The following FAM171B variants were observed in gnomAD, a reference collection of about 807,000 sequenced individuals.
FAM171B encodes the protein family with sequence similarity 171 member B, also known as protein FAM171B.
A neutral mutation model predicts 75.6 loss-of-function variants in FAM171B; 19 were observed. The observed-to-expected ratio is 0.25, with a 90% CI of 0.18 to 0.37. The LOEUF (loss-of-function observed/expected upper bound fraction) is 0.37, where lower values mean the gene tolerates loss of function less well. Among genes scored for constraint, FAM171B ranks in the 10% least tolerant of loss-of-function variants. The pLI is 1.00. For synonymous variants in FAM171B, 367 were observed against 361.7 expected (o/e 1.01, Z -0.17); for missense variants, 848 against 982.4 (o/e 0.86, Z 1.83).
At chr2:186,754,897 A>G (rs544527431) in intron 6 of FAM171B, among the ~76,000 whole-genome samples, 1 of 152,264 alleles carries the variant, frequency 6.6e-6, no homozygotes, top group East Asian at 1.9e-4. Flanking sequence ...CAGCCAAAAG[A>G]TTGGACACCC....
rs554380469 is a variant in FAM171B at position 186,710,898 on chromosome 2, A to C, written c.238+16487A>C. ...TTACTGTCTTTACACACACACACAC[A>C]CATACACACAATATTGCAGAACCAA... On this transcript the variant is annotated intron_variant, in intron 1 of 7. Coordinates refer to ENST00000304698, the MANE Select transcript of FAM171B (RefSeq NM_177454.4). Among the ~76,000 whole-genome samples the C allele has an allele frequency of 2.6e-5, 4 of 152,224 alleles. No homozygotes were observed. The South Asian group carries it at 8.3e-4, about 32-fold the overall frequency.
chr2:186,696,117 G>C (rs536956144), intron 1 of FAM171B, among the ~76,000 whole-genome samples: 133 of 152,112 alleles, frequency 8.7e-4, no homozygotes, highest in Admixed American at 1.7e-3. Flanking sequence ...TGAAAAAGCT[G>C]ATTGTCTGGG....
At chr2:186,750,971 A>T (rs1690443685) in intron 4 of FAM171B, among the ~76,000 whole-genome samples, 163 bp from the exon 5 acceptor site, 1 of 152,166 alleles carries the variant, frequency 6.6e-6, no homozygotes, top group Non-Finnish European at 1.5e-5. Context: ...ACAATATTTT[A>T]AAATTACATT....
chr2:186,705,985 T>C (rs1269838278), intron 1 of FAM171B, among the ~76,000 whole-genome samples: 2 of 152,196 alleles, frequency 1.3e-5, no homozygotes, highest in East Asian at 1.9e-4. Context: ...TCAGAATTCA[T>C]TGGCAGTCAA....
intron 6 of FAM171B, among the ~76,000 whole-genome samples, chr2:186,760,547 G>T (rs1285259512): frequency 6.6e-6 from 1 of 151,980 alleles, no homozygotes; most frequent in East Asian, 1.9e-4. Context: ...TGTTACTTGG[G>T]TCACCAGTTT....
At chr2:186,703,875 A>G (rs1689699821) in intron 1 of FAM171B, among the ~76,000 whole-genome samples, 1 of 152,166 alleles carries the variant, frequency 6.6e-6, no homozygotes, top group South Asian at 2.1e-4. Flanking sequence ...GATGAAGAAC[A>G]TGCTTTTGTG....
At chr2:186,738,984 G>T (rs1303665346) in intron 1 of FAM171B, among the ~76,000 whole-genome samples, 1 of 152,078 alleles carries the variant, frequency 6.6e-6, no homozygotes, top group African/African-American at 2.4e-5. Context: ...TAGGTTATAT[G>T]GTATAGGCTA....
intron 1 of FAM171B, among the ~76,000 whole-genome samples, chr2:186,713,135 G>T (rs17406339): frequency 0.28 from 43,212 of 152,086 alleles, 7,390 homozygotes; most frequent in Non-Finnish European, 0.39. Flanking sequence ...GGCCTGTGCG[G>T]CTGCCCTGGA....
chr2:186,722,437 G>A (rs1416728307), intron 1 of FAM171B, among the ~76,000 whole-genome samples: 1 of 151,928 alleles, frequency 6.6e-6, no homozygotes, highest in East Asian at 1.9e-4. Flanking sequence ...TAAAAAAAAG[G>A]GACTTAACTA....
chr2:186,758,531 C>A (rs1690567748), intron 6 of FAM171B, among the ~76,000 whole-genome samples: 1 of 152,120 alleles, frequency 6.6e-6, no homozygotes, highest in Admixed American at 6.6e-5. Flanking sequence ...CTTACCCTAT[C>A]TCCCTGAATA....
chr2:186,718,960 T>C lies in FAM171B; in HGVS notation c.239-21268T>C, dbSNP rs768352987. ...ATATAGTTGCTGTCTGCTAATGCTG[T>C]AGACTGTGTCTCATTCATGCTCTGC... On this transcript the variant is annotated intron_variant, in intron 1 of 7. Coordinates refer to ENST00000304698, the MANE Select transcript of FAM171B (RefSeq NM_177454.4). 7.2e-5 allele frequency among the ~76,000 whole-genome samples: 11 copies of C among 152,266 alleles called. 1 individual carries two copies. Among genetic ancestry groups the C allele is most frequent in the Non-Finnish European group, 1.3e-4 (9 of 68,042 alleles).
chr2:186,752,019 A>G (rs746612616), intron 5 of FAM171B, among the ~76,000 whole-genome samples: 5 of 152,166 alleles, frequency 3.3e-5, no homozygotes, highest in Non-Finnish European at 5.9e-5. Flanking sequence ...TTTGCTCTGT[A>G]TTAGCACCTT....
In FAM171B at chr2:186,740,279, A is replaced by G. The variant is rs531422657; in HGVS notation, c.290A>G (p.Tyr97Cys). 11 of 1,614,070 alleles carry G rather than the reference A, an allele frequency of 6.8e-6. No individual in the cohort carries two copies. Among genetic ancestry groups the G allele is most frequent in the South Asian group, 5.5e-5 (5 of 91,072 alleles). Reference sequence around the variant, plus strand: ...GTGAATGACATCATCAGTCGTCAGTACCTGAGCCAAGCAGTTGTAGAAGTG... The same window carrying G: ...GTGAATGACATCATCAGTCGTCAGTGCCTGAGCCAAGCAGTTGTAGAAGTG... The part of the protein sequence containing the change: ...VQVNDIISRQ[Y>C]LSQAVVEVFV... The change falls in exon 2 of 8, where the codon TAC becomes TGC. Residue 97 changes from tyrosine to cysteine, a missense_variant. Around this residue, in one of 3 missense-constraint regions of FAM171B, gnomAD observed 665 missense variants for 729.0 expected, o/e 0.91. Transcript: ENST00000304698.
chr2:186,765,821 A>G lies in FAM171B; in HGVS notation c.*2998A>G, dbSNP rs1690691334. On this transcript the variant is annotated 3_prime_UTR_variant, in exon 8 of 8. Coordinates refer to ENST00000304698, the MANE Select transcript of FAM171B (RefSeq NM_177454.4). ...GTTTCCAGGTGTTTCTATTTTTTGT[A>G]TTCTTTCAGAGAAATCTCATATTTC... 6.6e-6 allele frequency: 1 copy of G among 152,048 alleles called. No homozygotes were observed. Among genetic ancestry groups the G allele is most frequent in the Non-Finnish European group, 1.5e-5 (1 of 67,958 alleles). 9.4% of individuals were successfully genotyped at this position (152,048 alleles called of 1,614,324 possible).
intron 1 of FAM171B, among the ~76,000 whole-genome samples, chr2:186,696,038 A>G (rs766832885): frequency 8.5e-5 from 13 of 152,200 alleles, no homozygotes; most frequent in Non-Finnish European, 8.8e-5. Context: ...AACTACTGCA[A>G]TAATATGAAA....
intron 3 of FAM171B, among the ~76,000 whole-genome samples, chr2:186,745,337 CA>C (rs1690351245): frequency 6.6e-6 from 1 of 152,220 alleles, no homozygotes; most frequent in African/African-American, 2.4e-5. Flanking sequence ...ACCCCATTAA[CA>C]ATCATAGTTT....
intron 6 of FAM171B, among the ~76,000 whole-genome samples, chr2:186,759,066 T>C (rs1030324335): frequency 3.9e-5 from 6 of 152,146 alleles, no homozygotes; most frequent in Non-Finnish European, 8.8e-5. Flanking sequence ...TTTCTATGCC[T>C]GGCTTATTTC....
At chr2:186,730,409 A>G (rs968943020) in intron 1 of FAM171B, among the ~76,000 whole-genome samples, 2 of 152,236 alleles carry the variant, frequency 1.3e-5, no homozygotes, top group African/African-American at 4.8e-5. Flanking sequence ...GTATGTATGT[A>G]TGTATAAAAC....
In FAM171B at chr2:186,762,726, C is replaced by G. The variant is rs1439404116; in HGVS notation, c.2384C>G (p.Pro795Arg). ...TVEDFEANTS[P>R]TKRRGRPPLA... is the part of the protein sequence containing the mutation. ...GAAGATTTTGAAGCTAATACATCCC[C>G]CACTAAAAGAAGGGGCAGACCACCA... Residue 795 changes from proline (P) to arginine (R), a missense_variant, in exon 8 of 8, where the codon CCC (proline) becomes CGC (arginine). This residue lies in a region of FAM171B where 136 missense variants were observed against 159.3 expected (regional missense o/e 0.85). Transcript: ENST00000304698. This position sits in a 1 kb window ranked among gnomAD's most constrained non-coding sequence, Gnocchi z 4.0. 1.2e-6 allele frequency: 2 copies of G among 1,613,016 alleles called. No homozygotes were observed. Among genetic ancestry groups the G allele is most frequent in the Non-Finnish European group, 1.7e-6 (2 of 1,179,562 alleles).
Sources: allele counts gnomAD v4.1 joint callset (sites outside exome capture counted in the v4.1 genomes callset), GRCh38; gene constraint gnomAD v4.1.1; regional missense constraint gnomAD v4.1.1; non-coding constraint Gnocchi (gnomAD v3.1); transcripts MANE v1.5; gene names NCBI Gene and HGNC (gene_info 2026-07-23, HGNC 2026-07-21).